The following ICA1L variants were observed in gnomAD, a reference collection of about 807,000 sequenced individuals.
ICA1L encodes the protein islet cell autoantigen 1 like, also known as islet cell autoantigen 1-like protein.
ICA1L carries 50 observed loss-of-function variants against 61.3 expected under a neutral mutation model. The ratio of observed to expected loss-of-function variants is 0.82; its 90% CI spans 0.65 to 1.03. The LOEUF is 1.03. Among genes scored for constraint, ICA1L ranks in the 50% least tolerant of loss-of-function variants. ICA1L has a pLI of 0.00. For synonymous variants in ICA1L, 161 were observed against 191.3 expected, an observed-to-expected ratio of 0.84 and a Z score of 1.31; for missense variants, 508 against 556.7, an observed-to-expected ratio of 0.91 and a Z score of 0.88.
intron 8 of ICA1L, among the ~76,000 whole-genome samples, chr2:202,813,606 A>C (rs1693442412): frequency 1.3e-5 from 2 of 152,086 alleles, no homozygotes; most frequent in Admixed American, 1.3e-4. Flanking sequence ...CAAGAGGCAA[A>C]CTCCAAGGCG....
Position 202,847,695 on chromosome 2 carries a change from T to TTATATATATA in ICA1L, c.-7-18689_-7-18680dup, listed in dbSNP as rs80134434. Among the ~76,000 whole-genome samples, 70 of 102,234 alleles carry TTATATATATA rather than the reference T, an allele frequency of 6.8e-4. 7 individuals carry two copies. The highest frequency in any genetic ancestry group is 2.5e-3 in the African/African-American group (59 of 23,302). The allele number at this position is 102,234 out of a possible 152,430, so 67.1% of individuals were successfully genotyped here. A position where few individuals can be genotyped will look rare whatever the true frequency, so the allele number is the denominator to read the frequency against. On this transcript the variant is annotated intron_variant, in intron 1 of 12. Transcript: ENST00000358299. The stretch of plus-strand genomic sequence containing the variant: ...CTTAGAATGAAATATTATATGGGAA[T>TTATATATATA]TATATATATATATAGTTAAGCAGTG...
chr2:202,801,784 A>G (rs1344382391), intron 9 of ICA1L, among the ~76,000 whole-genome samples: 3 of 152,238 alleles, frequency 2.0e-5, no homozygotes, highest in African/African-American at 7.2e-5. Context: ...GGCAAACGCA[A>G]GGAAACTGAG....
rs369392512 is a variant in ICA1L, at chr2:202,819,928, G to C, written c.360-29C>G. The C allele has an allele frequency of 2.6e-6, 4 of 1,526,022 alleles. No individual in the cohort carries two copies. The South Asian group carries it at 4.5e-5, about 17-fold the overall frequency. 94.5% of individuals were successfully genotyped at this position (1,526,022 alleles called of 1,614,324 possible). ...ATGGCAGAGAGGTAAAAATCAGAGG[G>C]TTGAACACATCATAAGTAAAACAAA... On this transcript the variant is annotated intron_variant, in intron 4 of 12. Coordinates refer to ENST00000358299, the MANE Select transcript of ICA1L (RefSeq NM_001288622.3).
intron 10 of ICA1L, among the ~76,000 whole-genome samples, chr2:202,790,223 A>G (rs1692705171): frequency 6.6e-6 from 1 of 152,316 alleles, no homozygotes; most frequent in East Asian, 1.9e-4. Context: ...TGAACAAAGG[A>G]AAAATCCCAT....
At chr2:202,797,038 C>CAA (rs1295018885) in intron 9 of ICA1L, 74 bp from the exon 10 acceptor site, 1 of 922,650 alleles carries the variant, frequency 1.1e-6, no homozygotes, top group African/African-American at 1.7e-5. Flanking sequence ...AATAGTCTAT[C>CAA]ATTAGGTCAA....
In ICA1L at chr2:202,775,064, C is replaced by T. The variant is rs1388889995; in HGVS notation, c.*4469G>A. 6.6e-6 allele frequency: 1 copy of T among 152,198 alleles called. No homozygotes were observed. Among genetic ancestry groups the T allele is most frequent in the Non-Finnish European group, 1.5e-5 (1 of 68,022 alleles). 9.4% of individuals were successfully genotyped at this position (152,198 alleles called of 1,614,324 possible). Reference sequence around the variant, plus strand: ...GGTACAGAAAAAGATGGAAAAATAGCTTATGTTGGGCTTCTGGATGTGACC... The same window carrying T: ...GGTACAGAAAAAGATGGAAAAATAGTTTATGTTGGGCTTCTGGATGTGACC... On this transcript the variant is annotated 3_prime_UTR_variant, in exon 13 of 13. Transcript: ENST00000358299.
chr2:202,830,676 G>C (rs1250317504), intron 1 of ICA1L, among the ~76,000 whole-genome samples: 2 of 152,058 alleles, frequency 1.3e-5, no homozygotes, highest in Non-Finnish European at 2.9e-5. Context: ...AAGAAATAGA[G>C]GTTCACTTTC....
intron 11 of ICA1L, among the ~76,000 whole-genome samples, chr2:202,788,071 G>A (rs1002214287): frequency 3.9e-5 from 6 of 152,224 alleles, no homozygotes; most frequent in Non-Finnish European, 7.3e-5. Context: ...CACTTCAGTA[G>A]GAGATAGGAG....
At chr2:202,841,381 T>C (rs1694324514) in intron 1 of ICA1L, 8 of 962,260 alleles carry the variant, frequency 8.3e-6, no homozygotes, top group Non-Finnish European at 1.3e-5. Flanking sequence ...TCCGTGTTGC[T>C]CTAAGCCATC....
At position 202,855,011 on chromosome 2, in the gene ICA1L, G is replaced by A. The variant is rs560835211; in HGVS notation, c.-8+16608C>T. 1.5e-4 allele frequency among the ~76,000 whole-genome samples: 23 copies of A among 152,152 alleles called. 1 individual carries two copies. The South Asian group carries it at 4.8e-3, about 32-fold the overall frequency. ...AAAGAAACTCACTCAAAACCGTACAGCTACATGGAAACTAAACAATCTGCT... is the reference window on the plus strand; with the variant it reads ...AAAGAAACTCACTCAAAACCGTACAACTACATGGAAACTAAACAATCTGCT... On this transcript the variant is annotated intron_variant, in intron 1 of 12. Transcript: ENST00000358299.
chr2:202,823,732 A>G (rs1436023239), intron 3 of ICA1L, among the ~76,000 whole-genome samples: 14 of 152,162 alleles, frequency 9.2e-5, no homozygotes, highest in African/African-American at 3.1e-4. Flanking sequence ...ATTCCTGTCT[A>G]TGGAATTGCC....
chr2:202,787,473 C>CA (rs1301199609), intron 11 of ICA1L, among the ~76,000 whole-genome samples: 1 of 152,144 alleles, frequency 6.6e-6, no homozygotes. Context: ...GTTACTGTAG[C>CA]AAAAACATCT....
At position 202,825,871 on chromosome 2, in the gene ICA1L, T is replaced by G. The variant is rs963796540; in HGVS notation, c.163-104A>C. The G allele has an allele frequency of 8.2e-6, 5 of 612,808 alleles. No homozygotes were observed. The African/African-American group carries it at 9.6e-5, about 12-fold the overall frequency. The allele number at this position is 612,808 out of a possible 1,614,324, so 38.0% of individuals were successfully genotyped here. A position where few individuals can be genotyped will look rare whatever the true frequency, so the allele number is the denominator to read the frequency against. ...TTTTCTTCTAAGTATTATGTCTGTT[T>G]TAAAAACATTATGTCTATTTTTCTT... On this transcript the variant is annotated intron_variant, in intron 2 of 12. Coordinates refer to ENST00000358299, the MANE Select transcript of ICA1L (RefSeq NM_001288622.3).
At chr2:202,784,713 A>G (rs1692526600) in intron 12 of ICA1L, among the ~76,000 whole-genome samples, 1 of 152,226 alleles carries the variant, frequency 6.6e-6, no homozygotes, top group Admixed American at 6.5e-5. Context: ...GAAATAAGCC[A>G]GTCACAAAAA....
rs373529676 is a variant in ICA1L at position 202,791,896 on chromosome 2, G to A, written c.986-2809C>T. On this transcript the variant is annotated intron_variant, in intron 10 of 12. Transcript: ENST00000358299. ...CTGTTACTTAAAATATACCAGGCACGGTGGCTCATGTCTGTAATCCCAGCA... is the reference window on the plus strand; with the variant it reads ...CTGTTACTTAAAATATACCAGGCACAGTGGCTCATGTCTGTAATCCCAGCA... 6.7e-5 allele frequency among the ~76,000 whole-genome samples: 10 copies of A among 148,766 alleles called. No individual in the cohort carries two copies. The East Asian group carries it at 1.2e-3, about 18-fold the overall frequency.
chr2:202,858,695 C>T (rs1241235406), intron 1 of ICA1L, among the ~76,000 whole-genome samples: 1 of 152,116 alleles, frequency 6.6e-6, no homozygotes, highest in Non-Finnish European at 1.5e-5. Flanking sequence ...ATCCTATTGC[C>T]TAGTGATGTC....
chr2:202,857,469 A>T (rs1694798504), intron 1 of ICA1L, among the ~76,000 whole-genome samples: 1 of 152,202 alleles, frequency 6.6e-6, no homozygotes, highest in Admixed American at 6.5e-5. Context: ...TTATATAAAA[A>T]TTAACTCAAG....
chr2:202,841,575 C>A, intron 1 of ICA1L: 1 of 698,786 alleles, frequency 1.4e-6, no homozygotes. Context: ...TTGACTGTGA[C>A]AGCAGTGATG....
At chr2:202,843,042 T>C (rs1428066585) in intron 1 of ICA1L, among the ~76,000 whole-genome samples, 3 of 152,246 alleles carry the variant, frequency 2.0e-5, no homozygotes, top group Non-Finnish European at 4.4e-5. Context: ...GTTTTGCTGA[T>C]TTCAGTGAAA....
Sources: allele counts gnomAD v4.1 joint callset (sites outside exome capture counted in the v4.1 genomes callset), GRCh38; gene constraint gnomAD v4.1.1; transcripts MANE v1.5; gene names NCBI Gene and HGNC (gene_info 2026-07-23, HGNC 2026-07-21).